The following TNFAIP8 variants were observed in gnomAD, a reference collection of about 807,000 sequenced individuals.
TNFAIP8 encodes the protein tumor necrosis factor alpha-induced protein 8.
TNFAIP8 carries 7 observed loss-of-function variants against 13.3 expected under a neutral mutation model. The observed-to-expected ratio is 0.52, with a 90% CI of 0.30 to 0.99. The LOEUF is 0.99. Ranked by LOEUF, TNFAIP8 falls within the 50% of genes least tolerant of loss-of-function variation. TNFAIP8 has a pLI of 0.07. For missense variants in TNFAIP8, 258 were observed against 236.9 expected, an observed-to-expected ratio of 1.09 and a Z score of -0.58; for synonymous variants, 94 against 87.6, an observed-to-expected ratio of 1.07 and a Z score of -0.41.
chr5:119,303,905 A>G (rs780454455), intron 1 of TNFAIP8, among the ~76,000 whole-genome samples: 1 of 152,196 alleles, frequency 6.6e-6, no homozygotes, highest in Non-Finnish European at 1.5e-5. Context: ...CTAAGTAAAC[A>G]TACCCGGTAA....
intron 1 of TNFAIP8, among the ~76,000 whole-genome samples, chr5:119,311,725 A>T (rs533805231): frequency 6.7e-6 from 1 of 149,066 alleles, no homozygotes; most frequent in Non-Finnish European, 1.5e-5. Flanking sequence ...GAATGAACTC[A>T]TATCAATGGA....
At chr5:119,289,494 A>G (rs1268482133) in intron 1 of TNFAIP8, among the ~76,000 whole-genome samples, 2 of 152,332 alleles carry the variant, frequency 1.3e-5, no homozygotes, top group Admixed American at 6.5e-5. Flanking sequence ...TCTTTTAAAG[A>G]TTGGAGAATT....
chr5:119,355,522 C>A (rs3813310), upstream of TNFAIP8: 1 of 584,736 alleles, frequency 1.7e-6, no homozygotes, highest in African/African-American at 1.9e-5. Flanking sequence ...AAATAACATA[C>A]CAAAGCCGCT....
At chr5:119,323,201 T>C (rs1488702009) in intron 1 of TNFAIP8, among the ~76,000 whole-genome samples, 1 of 152,246 alleles carries the variant, frequency 6.6e-6, no homozygotes, top group Non-Finnish European at 1.5e-5. Context: ...CATCCTATGC[T>C]GCTATTGGCC....
intron 1 of TNFAIP8, among the ~76,000 whole-genome samples, chr5:119,271,807 A>C (rs900457036): frequency 9.9e-5 from 15 of 152,146 alleles, no homozygotes; most frequent in Non-Finnish European, 1.8e-4. Flanking sequence ...ACCCCTCCTC[A>C]CACTGCCCAC....
chr5:119,283,279 A>G (rs902203678), intron 1 of TNFAIP8, among the ~76,000 whole-genome samples: 6 of 152,206 alleles, frequency 3.9e-5, no homozygotes, highest in Admixed American at 6.5e-5. Context: ...GGAAAAAAAC[A>G]ATCTTATGAC....
chr5:119,338,322 C>A (rs1031774641), intron 1 of TNFAIP8, among the ~76,000 whole-genome samples: 2 of 152,146 alleles, frequency 1.3e-5, no homozygotes. Context: ...ATCAGGAAGC[C>A]CCGTCAGGAA....
chr5:119,288,786 A>T (rs1379055913), intron 1 of TNFAIP8, among the ~76,000 whole-genome samples: 4 of 152,252 alleles, frequency 2.6e-5, no homozygotes, highest in Admixed American at 2.6e-4. Flanking sequence ...TATGGAAAGA[A>T]TTAGACTAAA....
chr5:119,306,244 C>G (rs2112661198), intron 1 of TNFAIP8: 1 of 151,894 alleles, frequency 6.6e-6, no homozygotes, highest in South Asian at 2.1e-4. Context: ...TGTCTTCTTT[C>G]TTTGATCCTT....
intron 1 of TNFAIP8, among the ~76,000 whole-genome samples, chr5:119,348,023 T>C (rs1392193907): frequency 1.3e-5 from 2 of 152,232 alleles, no homozygotes; most frequent in Non-Finnish European, 2.9e-5. Context: ...ATTTCACATT[T>C]CAAATTTTGT....
chr5:119,284,137 A>C (rs953541798), intron 1 of TNFAIP8, among the ~76,000 whole-genome samples: 2 of 152,142 alleles, frequency 1.3e-5, no homozygotes, highest in Non-Finnish European at 2.9e-5. Context: ...CATTTTAAAG[A>C]TGGGAAAACA....
At chr5:119,349,292 T>C (rs936175429) in intron 1 of TNFAIP8, among the ~76,000 whole-genome samples, 1 of 152,224 alleles carries the variant, frequency 6.6e-6, no homozygotes, top group Non-Finnish European at 1.5e-5. Flanking sequence ...ATGATTATAT[T>C]TGGAAAAGTG....
At chr5:119,347,690 G>A (rs1471730602) in intron 1 of TNFAIP8, among the ~76,000 whole-genome samples, 3 of 152,156 alleles carry the variant, frequency 2.0e-5, no homozygotes, top group Non-Finnish European at 4.4e-5. Flanking sequence ...GCCTTTCACT[G>A]CTACCTGCAA....
At position 119,395,349 on chromosome 5, in the gene TNFAIP8, T is replaced by C. The variant is rs1229263507; in HGVS notation, c.*1968T>C. 2 of 152,270 alleles carry C rather than the reference T, an allele frequency of 1.3e-5. No individual in the cohort carries two copies. The highest frequency in any genetic ancestry group is 2.9e-5 in the Non-Finnish European group (2 of 68,110). The allele number at this position is 152,270 out of a possible 1,614,324, so 9.4% of individuals were successfully genotyped here. On this transcript the variant is annotated 3_prime_UTR_variant, in exon 2 of 2. Coordinates refer to ENST00000504771, the MANE Select transcript of TNFAIP8 (RefSeq NM_014350.4). Reference sequence around the variant, plus strand: ...TGGGGGGTGTGAGCTACTGACTGGATGTGTTCTGTTCTCCAGATCTCAAAC... The same window carrying C: ...TGGGGGGTGTGAGCTACTGACTGGACGTGTTCTGTTCTCCAGATCTCAAAC...
At chr5:119,353,397 G>C (rs1751249563), upstream of TNFAIP8, among the ~76,000 whole-genome samples, 1 of 152,230 alleles carries the variant, frequency 6.6e-6, no homozygotes, top group African/African-American at 2.4e-5. Context: ...TGCAGGGTAG[G>C]GGTATGGGGC....
chr5:119,311,436 A>C (rs1488806799), intron 1 of TNFAIP8, among the ~76,000 whole-genome samples: 1 of 152,044 alleles, frequency 6.6e-6, no homozygotes, highest in Non-Finnish European at 1.5e-5. Context: ...TCACACCTGT[A>C]ATCTCAGCAC....
chr5:119,280,344 A>G (rs1403353990), intron 1 of TNFAIP8, among the ~76,000 whole-genome samples: 2 of 150,790 alleles, frequency 1.3e-5, no homozygotes, highest in Middle Eastern at 3.2e-3. Flanking sequence ...AAAAAAAAAA[A>G]GATGTTTAAG....
intron 1 of TNFAIP8, among the ~76,000 whole-genome samples, chr5:119,297,928 C>A (rs1749229942): frequency 6.6e-6 from 1 of 152,066 alleles, no homozygotes; most frequent in Non-Finnish European, 1.5e-5. Flanking sequence ...AGGATTGCAA[C>A]CCCTGCCTTT....
chr5:119,382,395 C>T (rs1374505321), intron 1 of TNFAIP8, among the ~76,000 whole-genome samples: 2 of 152,118 alleles, frequency 1.3e-5, no homozygotes, highest in African/African-American at 2.4e-5. Flanking sequence ...TCTTTGAAAC[C>T]ACAGTATCTT....
Sources: gnomAD v4.1 joint callset for allele counts (sites outside exome capture counted in the v4.1 genomes callset) on GRCh38, gnomAD v4.1.1 for gene constraint, MANE v1.5 for transcripts, NCBI Gene and HGNC (gene_info 2026-07-23, HGNC 2026-07-21) for gene names.